The following SEMA6A variants were observed in gnomAD, a reference collection of about 807,000 sequenced individuals.
SEMA6A encodes the protein semaphorin-6A.
A neutral mutation model predicts 96.8 loss-of-function variants in SEMA6A; 25 were observed. The observed-to-expected ratio is 0.26, with a 90% CI of 0.19 to 0.36. The LOEUF (loss-of-function observed/expected upper bound fraction) is 0.36, where lower values mean the gene tolerates loss of function less well. SEMA6A is among the 10% of genes least tolerant of loss of function. SEMA6A has a pLI of 1.00. For missense variants in SEMA6A, 1,363 were observed against 1,323.1 expected (o/e 1.03, Z -0.47); for synonymous variants, 612 against 518.0 (o/e 1.18, Z -2.46).
At chr5:116,451,661 C>T (rs1050884320) in intron 18 of SEMA6A, among the ~76,000 whole-genome samples, 14 of 152,048 alleles carry the variant, frequency 9.2e-5, no homozygotes, top group African/African-American at 3.1e-4. Flanking sequence ...AATGGGTTTT[C>T]AATACATTGT....
intron 11 of SEMA6A, among the ~76,000 whole-genome samples, chr5:116,480,985 A>G (rs17139888): frequency 0.12 from 18,091 of 152,022 alleles, 2,560 homozygotes; most frequent in African/African-American, 0.34. Context: ...AAACACTGAA[A>G]CCCATCTTGT....
chr5:116,488,582 C>A (rs1198700427), intron 8 of SEMA6A, among the ~76,000 whole-genome samples: 1 of 152,176 alleles, frequency 6.6e-6, no homozygotes. Context: ...TGTCCCCTTC[C>A]ATGAATACAT....
rs1754097107 is a variant in SEMA6A, at chr5:116,445,000, G to A, written c.*1613C>T. ...AGCAGGGAGCTCTTGAGGATGAAAG[G>A]GGATTTGACACACCCACAACAACAC... On this transcript the variant is annotated 3_prime_UTR_variant, in exon 19 of 19. Coordinates refer to ENST00000343348, the MANE Select transcript of SEMA6A (RefSeq NM_020796.5). 6.5e-6 allele frequency: 1 copy of A among 152,694 alleles called. No homozygotes were observed. The highest frequency in any genetic ancestry group is 2.1e-4 in the South Asian group (1 of 4,834). The allele number at this position is 152,694 out of a possible 1,614,324, so 9.5% of individuals were successfully genotyped here.
rs1754054241 is a variant in SEMA6A at position 116,444,268 on chromosome 5, A to C, written c.*2345T>G. The C allele has an allele frequency of 6.6e-6, 1 of 150,790 alleles. No individual in the cohort carries two copies. Among genetic ancestry groups the C allele is most frequent in the Admixed American group, 6.7e-5 (1 of 15,014 alleles). 9.3% of individuals were successfully genotyped at this position (150,790 alleles called of 1,614,324 possible). On this transcript the variant is annotated 3_prime_UTR_variant, in exon 19 of 19. Transcript: ENST00000343348. ...AAAGTAAAAACAACAACAACCACCT[A>C]CTCCTAAACAACAGCAAAACTAATG...
Position 116,545,348 on chromosome 5 carries a change from T to A in SEMA6A, c.-39+28837A>T, listed in dbSNP as rs188038512. On this transcript the variant is annotated intron_variant, in intron 1 of 18. Transcript: ENST00000343348. ...ACTTTGGGAGGCTGAGGTGGGCGGA[T>A]CACCTGAGGTCAGGAGTTCGAGACA... 6.8e-4 allele frequency among the ~76,000 whole-genome samples: 104 copies of A among 152,140 alleles called. No individual in the cohort carries two copies. In the East Asian group the frequency reaches 0.017, roughly 25 times the overall value.
chr5:116,555,245 G>A (rs888157602), intron 1 of SEMA6A, among the ~76,000 whole-genome samples: 1 of 152,172 alleles, frequency 6.6e-6, no homozygotes, highest in African/African-American at 2.4e-5. Context: ...TTGTTTGCTT[G>A]AGAGCTAATG....
At chr5:116,537,904 C>A (rs564749271) in intron 1 of SEMA6A, among the ~76,000 whole-genome samples, 1 of 152,120 alleles carries the variant, frequency 6.6e-6, no homozygotes, top group East Asian at 1.9e-4. Context: ...AGGCCAGGTG[C>A]GGTGTCTCAT....
chr5:116,467,146 A>G (rs1020341893), intron 18 of SEMA6A, among the ~76,000 whole-genome samples: 5 of 152,166 alleles, frequency 3.3e-5, no homozygotes, highest in Admixed American at 2.6e-4. Context: ...CAGCCAGAAA[A>G]GACTTTGTCC....
intron 5 of SEMA6A, 85 bp from the exon 6 acceptor site, chr5:116,495,599 T>TG: frequency 9.7e-7 from 1 of 1,029,374 alleles, no homozygotes; most frequent in Non-Finnish European, 1.5e-6. Context: ...TGGCTGACAG[T>TG]AAGGTTAAAG....
chr5:116,506,666 A>C (rs1758158093), intron 1 of SEMA6A, among the ~76,000 whole-genome samples: 1 of 150,082 alleles, frequency 6.7e-6, no homozygotes, highest in African/African-American at 2.5e-5. Context: ...AGATTTTAGG[A>C]GAGAAAGCAT....
intron 2 of SEMA6A, among the ~76,000 whole-genome samples, chr5:116,503,665 A>G (rs961931933): frequency 1.3e-5 from 2 of 151,800 alleles, no homozygotes; most frequent in African/African-American, 4.8e-5. Context: ...ATGCACCACC[A>G]TGCCCAGCTG....
chr5:116,524,870 G>A (rs890791742), intron 1 of SEMA6A, among the ~76,000 whole-genome samples: 2 of 150,174 alleles, frequency 1.3e-5, no homozygotes, highest in African/African-American at 4.9e-5. Context: ...TAGCTATTGG[G>A]TCAATGACAA....
chr5:116,520,672 C>A (rs1255276165), intron 1 of SEMA6A, among the ~76,000 whole-genome samples: 1 of 152,136 alleles, frequency 6.6e-6, no homozygotes, highest in Admixed American at 6.5e-5. Flanking sequence ...TTTCTAGCAG[C>A]CCCTGTAACA....
At chr5:116,455,257 C>T (rs1001200591) in intron 18 of SEMA6A, among the ~76,000 whole-genome samples, 2 of 152,160 alleles carry the variant, frequency 1.3e-5, no homozygotes, top group African/African-American at 4.8e-5. Context: ...AGAGCACGGG[C>T]TGATGTCTAG....
rs151067151 is a variant in SEMA6A at position 116,487,065 on chromosome 5, G to A, written c.745-99C>T. Reference sequence around the variant, plus strand: ...CTTGAAAACAGAAACAAAACAACAAGGTGCTTAATACTGTTTCTAAAATCA... The same window carrying A: ...CTTGAAAACAGAAACAAAACAACAAAGTGCTTAATACTGTTTCTAAAATCA... On this transcript the variant is annotated intron_variant, in intron 9 of 18. Transcript: ENST00000343348. 57 of 782,846 alleles carry A rather than the reference G, an allele frequency of 7.3e-5. No homozygotes were observed. The African/African-American group carries it at 9.6e-4, about 13-fold the overall frequency. 48.5% of individuals were successfully genotyped at this position (782,846 alleles called of 1,614,324 possible).
At chr5:116,500,000 C>G (rs1454991530) in intron 3 of SEMA6A, among the ~76,000 whole-genome samples, 1 of 152,208 alleles carries the variant, frequency 6.6e-6, no homozygotes, top group East Asian at 1.9e-4. Context: ...TTAAGTCAAC[C>G]TATTTCTCAC....
chr5:116,496,759 G>A (rs1757622361), intron 4 of SEMA6A, among the ~76,000 whole-genome samples: 2 of 152,134 alleles, frequency 1.3e-5, no homozygotes, highest in Admixed American at 6.5e-5. Context: ...TTCACTCTAG[G>A]TGGACAAAGA....
intron 15 of SEMA6A, among the ~76,000 whole-genome samples, chr5:116,477,564 G>T (rs745661343): frequency 6.6e-6 from 1 of 152,150 alleles, no homozygotes; most frequent in African/African-American, 2.4e-5. Flanking sequence ...ATCAAGGCAG[G>T]CACCTTCTTG....
rs1184579478 is a variant in SEMA6A, at chr5:116,446,276, GT to G, written c.*336del. On this transcript the variant is annotated 3_prime_UTR_variant, in exon 19 of 19. Transcript: ENST00000343348. ...ATGTGTTGTGTGCATGTGTGTGTGT[GT>G]GTGTGTGTGGGGGTGGGGGATGGGG... is the stretch of plus-strand genomic sequence containing the variant. 2,959 of 228,606 alleles carry G rather than the reference GT, an allele frequency of 0.013. 54 individuals are homozygous for G. Among genetic ancestry groups the G allele is most frequent in the East Asian group, 0.046 (524 of 11,282 alleles). The allele number at this position is 228,606 out of a possible 1,614,324, so 14.2% of individuals were successfully genotyped here.
Sources: allele counts gnomAD v4.1 joint callset (sites outside exome capture counted in the v4.1 genomes callset), GRCh38; gene constraint gnomAD v4.1.1; transcripts MANE v1.5; gene names NCBI Gene and HGNC (gene_info 2026-07-23, HGNC 2026-07-21).